Variants in RGS8 observed in about 807,000 individuals in gnomAD.
The protein encoded by RGS8 is regulator of G protein signaling 8, also known as regulator of G-protein signaling 8.
RGS8 carries 8 observed loss-of-function variants against 21.7 expected under a neutral mutation model. That is an observed-to-expected ratio of 0.37 (90% CI 0.22 to 0.66). The LOEUF (loss-of-function observed/expected upper bound fraction) is 0.66, where lower values mean the gene tolerates loss of function less well. Among genes scored for constraint, RGS8 ranks in the 30% least tolerant of loss-of-function variants. RGS8 has a pLI of 0.59. For synonymous variants in RGS8, 80 were observed against 83.6 expected, an observed-to-expected ratio of 0.96 and a Z score of 0.24; for missense variants, 157 against 217.9, an observed-to-expected ratio of 0.72 and a Z score of 1.76.
chr1:182,665,444 T>C (rs994644708), intron 5 of RGS8, among the ~76,000 whole-genome samples: 4 of 152,206 alleles, frequency 2.6e-5, no homozygotes, highest in Non-Finnish European at 5.9e-5. Flanking sequence ...CAGTAAAATG[T>C]ATACTCAGTA....
At chr1:182,751,438 G>A in the RGS8 span, among the ~76,000 whole-genome samples, 1 of 152,170 alleles carries the variant, frequency 6.6e-6, no homozygotes. Context: ...TGTTTAATAA[G>A]ACAGACACAG....
the RGS8 span, among the ~76,000 whole-genome samples, chr1:182,699,972 G>A: frequency 6.6e-6 from 1 of 152,198 alleles, no homozygotes; most frequent in African/African-American, 2.4e-5. Context: ...ATAAGATCCG[G>A]CACCTCACAC....
At chr1:182,740,562 T>TTTTTTTTTTTTTTTG in the RGS8 span, among the ~76,000 whole-genome samples, 1 of 143,862 alleles carries the variant, frequency 7.0e-6, no homozygotes, top group African/African-American at 2.6e-5. Context: ...TTTTTTTTTT[T>TTTTTTTTTTTTTTTG]TTTTTTTTTT....
chr1:182,694,476 A>T, the RGS8 span, among the ~76,000 whole-genome samples: 1 of 152,192 alleles, frequency 6.6e-6, no homozygotes, highest in South Asian at 2.1e-4. Context: ...CCACAGGATC[A>T]TCAATTGTTT....
chr1:182,741,869 C>T, the RGS8 span, among the ~76,000 whole-genome samples: 61 of 123,608 alleles, frequency 4.9e-4, 1 homozygote, highest in East Asian at 1.3e-3. Context: ...GGCGGCTGGC[C>T]GGGCGGGGGG....
Position 182,682,452 on chromosome 1 carries a change from GTT to G in RGS8, n.221+1902_221+1903del, listed in dbSNP as rs1000928182. On this transcript the variant is annotated intron_variant and non_coding_transcript_variant, in intron 1 of 4. Coordinates refer to the RGS8 transcript ENST00000515211. The stretch of plus-strand genomic sequence containing the variant: ...CACTTCTCTGGCTGAACTTCCTCGA[GTT>G]TTTTTTACCCCCCTTGAGCCTCAAT... Among the ~76,000 whole-genome samples the G allele has an allele frequency of 1.2e-4, 18 of 152,068 alleles. No individual in the cohort carries two copies. In the East Asian group the frequency reaches 3.1e-3, roughly 26 times the overall value.
At chr1:182,655,715 T>C (rs975751263) in intron 5 of RGS8, among the ~76,000 whole-genome samples, 3 of 152,204 alleles carry the variant, frequency 2.0e-5, no homozygotes, top group African/African-American at 7.2e-5. Flanking sequence ...CTTTCCCAGG[T>C]AGAGTTAGCA....
downstream of RGS8, chr1:182,645,933 T>C (rs1662681876): frequency 6.6e-6 from 1 of 152,228 alleles, no homozygotes; most frequent in Non-Finnish European, 1.5e-5. Context: ...AATAGAAGTC[T>C]ACTGGTGCTA....
downstream of RGS8, chr1:182,644,001 C>T (rs1472509256): frequency 6.6e-6 from 1 of 152,372 alleles, no homozygotes; most frequent in Non-Finnish European, 1.5e-5. Flanking sequence ...ACAGCACAGG[C>T]TCGGCTTGAG....
At chr1:182,654,783 G>A (rs1167980553) in intron 5 of RGS8, among the ~76,000 whole-genome samples, 1 of 152,148 alleles carries the variant, frequency 6.6e-6, no homozygotes, top group Non-Finnish European at 1.5e-5. Flanking sequence ...CACCAAAAAG[G>A]GAGCAAGAAC....
At chr1:182,733,117 G>A in the RGS8 span, among the ~76,000 whole-genome samples, 12 of 152,344 alleles carry the variant, frequency 7.9e-5, no homozygotes, top group East Asian at 2.1e-3. Context: ...TGTGAGTGAA[G>A]CGAATGGATT....
the RGS8 span, among the ~76,000 whole-genome samples, chr1:182,689,761 A>G: frequency 6.6e-6 from 1 of 152,180 alleles, no homozygotes; most frequent in Non-Finnish European, 1.5e-5. Flanking sequence ...GGAACAATTT[A>G]TATATAGAGC....
At chr1:182,711,098 G>A in the RGS8 span, among the ~76,000 whole-genome samples, 1 of 152,174 alleles carries the variant, frequency 6.6e-6, no homozygotes, top group East Asian at 1.9e-4. Context: ...GATCACACAA[G>A]GACCTCGCTT....
chr1:182,657,549 C>T (rs1432927779), intron 5 of RGS8, among the ~76,000 whole-genome samples: 1 of 152,190 alleles, frequency 6.6e-6, no homozygotes, highest in Non-Finnish European at 1.5e-5. Context: ...CCCCCCGCCC[C>T]AGTTTCCCCC....
the RGS8 span, among the ~76,000 whole-genome samples, chr1:182,741,133 G>C: frequency 6.6e-6 from 1 of 150,736 alleles, no homozygotes; most frequent in African/African-American, 2.5e-5. Context: ...AGGCGCGGCC[G>C]GGCAGAGGCG....
upstream of RGS8, among the ~76,000 whole-genome samples, chr1:182,676,884 T>C (rs929692921): frequency 6.6e-6 from 1 of 152,220 alleles, no homozygotes; most frequent in Admixed American, 6.5e-5. Flanking sequence ...TTTCCTCATC[T>C]GTAAAACACA....
downstream of RGS8, chr1:182,642,168 C>G (rs917860290): frequency 2.0e-5 from 3 of 152,270 alleles, no homozygotes; most frequent in Non-Finnish European, 4.4e-5. Context: ...TCATCTTGGT[C>G]CACAGCATCT....
chr1:182,689,264 GACACACACACACACACACACACAC>G (rs34000229), upstream of RGS8, among the ~76,000 whole-genome samples: 1,139 of 125,770 alleles, frequency 9.1e-3, 14 homozygotes, highest in African/African-American at 0.031. Flanking sequence ...CACACACACA[GACACACACACACACACACACACAC>G]ACACACACAC....
chr1:182,701,906 A>G, the RGS8 span, among the ~76,000 whole-genome samples: 1 of 152,234 alleles, frequency 6.6e-6, no homozygotes, highest in Non-Finnish European at 1.5e-5. Flanking sequence ...ACAAGTCAGA[A>G]CGGCTACTAT....
Sources: allele counts gnomAD v4.1 joint callset (sites outside exome capture counted in the v4.1 genomes callset), GRCh38; gene constraint gnomAD v4.1.1; transcripts MANE v1.5; gene names NCBI Gene and HGNC (gene_info 2026-07-23, HGNC 2026-07-21).